STXBP5L: variants seen among roughly 807,000 people sequenced by gnomAD.
STXBP5L encodes the protein syntaxin-binding protein 5-like.
STXBP5L carries 65 observed loss-of-function variants against 144.5 expected under a neutral mutation model. The observed-to-expected ratio is 0.45, with a 90% CI of 0.37 to 0.55. The LOEUF is 0.55. Ranked by LOEUF, STXBP5L falls within the 20% of genes least tolerant of loss-of-function variation. The probability of loss-of-function intolerance (pLI) is 0.00; values close to 1 mark genes in which losing one functional copy is unlikely to be tolerated. For synonymous variants in STXBP5L, 505 were observed against 469.6 expected (o/e 1.08, Z -0.97); for missense variants, 1,298 against 1,405.5 (o/e 0.92, Z 1.22).
At chr3:121,315,014 G>A (rs951634789) in intron 19 of STXBP5L, among the ~76,000 whole-genome samples, 6 of 152,254 alleles carry the variant, frequency 3.9e-5, no homozygotes, top group Middle Eastern at 3.4e-3. Context: ...TGGAGAAATA[G>A]GAACACTTTT....
intron 2 of STXBP5L, among the ~76,000 whole-genome samples, chr3:120,952,469 T>C (rs1329427126): frequency 6.6e-6 from 1 of 152,116 alleles, no homozygotes; most frequent in Non-Finnish European, 1.5e-5. Context: ...TATTTTTGGA[T>C]AGTTTATTGT....
chr3:121,090,657 C>G (rs2042733835), intron 5 of STXBP5L, among the ~76,000 whole-genome samples: 1 of 151,874 alleles, frequency 6.6e-6, no homozygotes, highest in Admixed American at 6.6e-5. Flanking sequence ...AATTTTTGTA[C>G]CTAAGAGTAA....
Position 121,152,565 on chromosome 3 carries a change from GTGATTTCTACCGACA to G in STXBP5L, c.753+8_753+22del. On this transcript the variant is annotated splice_donor_region_variant and intron_variant, in intron 8 of 26. Coordinates refer to ENST00000471454, the MANE Select transcript of STXBP5L (RefSeq NM_001308330.2). ...CTGAGAGTTTATTATGATGAGGTAA[GTGATTTCTACCGACA>G]TGTTTGAAAGAGTATTGTGACGTTA... 4.4e-6 allele frequency: 7 copies of G among 1,588,626 alleles called. No homozygotes were observed. Among genetic ancestry groups the G allele is most frequent in the Non-Finnish European group, 6.0e-6 (7 of 1,163,182 alleles).
At chr3:120,994,764 T>G (rs562771237) in intron 3 of STXBP5L, among the ~76,000 whole-genome samples, 136 of 152,152 alleles carry the variant, frequency 8.9e-4, no homozygotes, top group African/African-American at 3.2e-3. Flanking sequence ...GGTTTTCTGG[T>G]TTTTTTAATC....
At chr3:121,195,872 C>T (rs982273108) in intron 9 of STXBP5L, among the ~76,000 whole-genome samples, 1 of 152,130 alleles carries the variant, frequency 6.6e-6, no homozygotes, top group East Asian at 1.9e-4. Context: ...GGCCCTGCCC[C>T]CTGGGACACA....
chr3:121,300,197 T>G (rs998891385), intron 19 of STXBP5L, among the ~76,000 whole-genome samples: 2 of 152,002 alleles, frequency 1.3e-5, no homozygotes, highest in Admixed American at 6.6e-5. Context: ...GAAAAACAAC[T>G]GTCAATCCAG....
intron 3 of STXBP5L, among the ~76,000 whole-genome samples, chr3:121,015,906 A>T (rs1013091252): frequency 3.3e-5 from 5 of 152,152 alleles, no homozygotes; most frequent in African/African-American, 1.2e-4. Context: ...ATCAAGACTG[A>T]GATTTAATCA....
rs971009265 is a variant in STXBP5L, at chr3:120,965,085, G to A, written c.287+10048G>A. ...TAAAGTCTGTTTTATTAGAGACTAG[G>A]ATTGCAACCCCTGGTTTTTTTTGCT... is the stretch of plus-strand genomic sequence containing the variant. On this transcript the variant is annotated intron_variant, in intron 3 of 26. Coordinates refer to ENST00000471454, the MANE Select transcript of STXBP5L (RefSeq NM_001308330.2). Among the ~76,000 whole-genome samples the A allele has an allele frequency of 8.5e-5, 13 of 152,236 alleles. No individual in the cohort carries two copies. The South Asian group carries it at 2.5e-3, about 29-fold the overall frequency.
At chr3:121,125,865 A>G (rs995780841) in intron 7 of STXBP5L, among the ~76,000 whole-genome samples, 1 of 152,190 alleles carries the variant, frequency 6.6e-6, no homozygotes, top group African/African-American at 2.4e-5. Flanking sequence ...TTAACCTCCC[A>G]TGGAGAAAAC....
intron 9 of STXBP5L, among the ~76,000 whole-genome samples, chr3:121,203,851 T>C (rs1191298): frequency 0.49 from 74,135 of 151,964 alleles, 18,560 homozygotes; most frequent in East Asian, 0.73. Context: ...GGGGAGTGGA[T>C]CTCTCCCCTG....
chr3:121,065,323 T>G (rs1031396040), intron 5 of STXBP5L, among the ~76,000 whole-genome samples: 1 of 152,306 alleles, frequency 6.6e-6, no homozygotes, highest in African/African-American at 2.4e-5. Context: ...TTGATATTTT[T>G]TAATGCTTTT....
chr3:121,175,764 A>T (rs1202697398), intron 9 of STXBP5L, among the ~76,000 whole-genome samples: 1 of 152,040 alleles, frequency 6.6e-6, no homozygotes, highest in Non-Finnish European at 1.5e-5. Flanking sequence ...AAAGACAGTG[A>T]TTCTAACATT....
chr3:121,009,113 C>T (rs1944578849), intron 3 of STXBP5L, among the ~76,000 whole-genome samples: 1 of 151,954 alleles, frequency 6.6e-6, no homozygotes, highest in African/African-American at 2.4e-5. Flanking sequence ...CCTGGTCACT[C>T]TGTTCCTCAT....
intron 3 of STXBP5L, among the ~76,000 whole-genome samples, chr3:121,002,984 C>G (rs1042640783): frequency 6.6e-6 from 1 of 152,056 alleles, no homozygotes; most frequent in African/African-American, 2.4e-5. Context: ...GTTCCAAGTC[C>G]TTGCTATTGT....
At chr3:121,269,227 G>C (rs1239541436) in intron 18 of STXBP5L, among the ~76,000 whole-genome samples, 1 of 151,592 alleles carries the variant, frequency 6.6e-6, no homozygotes. Flanking sequence ...AGTCTAACTA[G>C]GAAAATAATT....
At chr3:121,014,205 G>A (rs1576663559) in intron 3 of STXBP5L, among the ~76,000 whole-genome samples, 1 of 151,886 alleles carries the variant, frequency 6.6e-6, no homozygotes, top group Non-Finnish European at 1.5e-5. Flanking sequence ...GAATAGTGTT[G>A]AGTCTGTAGA....
intron 7 of STXBP5L, among the ~76,000 whole-genome samples, chr3:121,128,167 A>G (rs1456448018): frequency 6.6e-6 from 1 of 152,082 alleles, no homozygotes; most frequent in Non-Finnish European, 1.5e-5. Context: ...GGGGCTGCCT[A>G]GAGGAGGGTT....
At chr3:120,989,790 C>A (rs1576588123) in intron 3 of STXBP5L, among the ~76,000 whole-genome samples, 1 of 152,022 alleles carries the variant, frequency 6.6e-6, no homozygotes, top group Admixed American at 6.6e-5. Context: ...TCATTTGTCA[C>A]AAGTAATTTT....
intron 22 of STXBP5L, among the ~76,000 whole-genome samples, chr3:121,394,626 A>G (rs542973348): frequency 0.016 from 1,793 of 113,080 alleles, 59 homozygotes; most frequent in South Asian, 0.11. Flanking sequence ...TTTTTTTGAG[A>G]CAGTGTCTCA....
Sources: allele counts gnomAD v4.1 joint callset (sites outside exome capture counted in the v4.1 genomes callset), GRCh38; gene constraint gnomAD v4.1.1; transcripts MANE v1.5; gene names NCBI Gene and HGNC (gene_info 2026-07-23, HGNC 2026-07-21).